Variants in KAT2B observed in about 807,000 individuals in gnomAD.
KAT2B encodes histone acetyltransferase KAT2B.
A neutral mutation model predicts 105.9 loss-of-function variants in KAT2B; 36 were observed. The observed-to-expected ratio is 0.34, with a 90% confidence interval of 0.26 to 0.45. KAT2B has a LOEUF of 0.45. Among genes scored for constraint, KAT2B ranks in the 20% least tolerant of loss-of-function variants. KAT2B has a pLI of 1.00. For missense variants in KAT2B, 820 were observed against 1,021.6 expected (o/e 0.80, Z 2.69); for synonymous variants, 397 against 377.9 (o/e 1.05, Z -0.59).
At chr3:20,144,144 T>A (rs957059203) in intron 13 of KAT2B, among the ~76,000 whole-genome samples, 1 of 152,126 alleles carries the variant, frequency 6.6e-6, no homozygotes, top group African/African-American at 2.4e-5. Context: ...AGGTGCTACA[T>A]GAGGTGAGTG....
At chr3:20,117,654 C>A (rs930271578) in intron 7 of KAT2B, among the ~76,000 whole-genome samples, 1 of 152,126 alleles carries the variant, frequency 6.6e-6, no homozygotes, top group Non-Finnish European at 1.5e-5. Context: ...ATTTTATTGC[C>A]TTCTTGGCTG....
At chr3:20,062,419 TATTATATATA>T (rs1435220136) in intron 1 of KAT2B, among the ~76,000 whole-genome samples, 4 of 67,626 alleles carry the variant, frequency 5.9e-5, no homozygotes, top group African/African-American at 1.6e-4. Flanking sequence ...TATTATATAT[TATTATATATA>T]ATATATAATA....
intron 2 of KAT2B, among the ~76,000 whole-genome samples, chr3:20,075,568 C>T (rs1163362712): frequency 1.3e-5 from 2 of 152,170 alleles, no homozygotes; most frequent in East Asian, 3.9e-4. Flanking sequence ...AATCAGGGTT[C>T]CCATCATACC....
At chr3:20,091,820 G>A (rs1011380324) in intron 2 of KAT2B, among the ~76,000 whole-genome samples, 4 of 152,096 alleles carry the variant, frequency 2.6e-5, no homozygotes, top group African/African-American at 9.7e-5. Context: ...TCCTGTTAAT[G>A]ATTTATATAG....
rs1698880675 is a variant in KAT2B, at chr3:20,099,964, T to C, written c.669+10T>C. 7.0e-7 allele frequency: 1 copy of C among 1,437,274 alleles called. No homozygotes were observed. The highest frequency in any genetic ancestry group is 1.4e-5 in the African/African-American group (1 of 70,964). 89.0% of individuals were successfully genotyped at this position (1,437,274 alleles called of 1,614,324 possible). ...ACCTAGCATTGAACAGGTAAAAAGA[T>C]TTTAAAAGCCCTCTTTTTATTGGCT... is the stretch of plus-strand genomic sequence containing the variant. On this transcript the variant is annotated intron_variant, in intron 4 of 17. Transcript: ENST00000263754.
intron 11 of KAT2B, among the ~76,000 whole-genome samples, chr3:20,129,563 A>G (rs1229657013): frequency 1.3e-5 from 2 of 151,728 alleles, no homozygotes; most frequent in Admixed American, 1.3e-4. Flanking sequence ...TTTAGTAGAG[A>G]TGAGGTTTCG....
chr3:20,076,335 C>T lies in KAT2B; in HGVS notation c.430+3876C>T, dbSNP rs1161988326. On this transcript the variant is annotated intron_variant, in intron 2 of 17. Transcript: ENST00000263754. ...GGGTATAGGTATTTAAAAAATATTT[C>T]CCCCTACTCCTTCCTTTCTTCCTTG... is the stretch of plus-strand genomic sequence containing the variant. Among the ~76,000 whole-genome samples, 8 of 152,032 alleles carry T rather than the reference C, an allele frequency of 5.3e-5. No homozygotes were observed. In the East Asian group the frequency reaches 1.5e-3, roughly 29 times the overall value.
At chr3:20,078,539 A>C (rs933447240) in intron 2 of KAT2B, among the ~76,000 whole-genome samples, 3 of 145,730 alleles carry the variant, frequency 2.1e-5, no homozygotes, top group Non-Finnish European at 3.0e-5. Flanking sequence ...TGCCCAGCTA[A>C]TTTTTTTTTT....
At chr3:20,146,170 A>G in intron 13 of KAT2B, 146 bp from the exon 14 acceptor site, 1 of 613,042 alleles carries the variant, frequency 1.6e-6, no homozygotes, top group Non-Finnish European at 2.9e-6. Context: ...TTCATTTCTT[A>G]CTTGTTAAAT....
intron 11 of KAT2B, among the ~76,000 whole-genome samples, chr3:20,127,979 G>A (rs372242549): frequency 1.3e-5 from 2 of 152,150 alleles, no homozygotes; most frequent in African/African-American, 2.4e-5. Context: ...TGTGCAGCCC[G>A]GTCCCTAACA....
intron 2 of KAT2B, among the ~76,000 whole-genome samples, chr3:20,075,664 C>T (rs891178668): frequency 1.3e-5 from 2 of 151,490 alleles, no homozygotes; most frequent in Admixed American, 6.6e-5. Flanking sequence ...AAAGGATACA[C>T]AGACAGCCAG....
intron 5 of KAT2B, among the ~76,000 whole-genome samples, chr3:20,103,658 C>T (rs1163020287): frequency 6.6e-6 from 1 of 152,184 alleles, no homozygotes; most frequent in Non-Finnish European, 1.5e-5. Flanking sequence ...ATCCTCCCAC[C>T]TTGGCCTCCC....
At chr3:20,113,011 A>G (rs953079510) in intron 6 of KAT2B, among the ~76,000 whole-genome samples, 17 of 152,336 alleles carry the variant, frequency 1.1e-4, no homozygotes, top group African/African-American at 7.2e-5. Flanking sequence ...CAAACACCCA[A>G]TATTTGCACA....
In KAT2B at chr3:20,152,395, C is replaced by T; in HGVS notation, c.2369C>T (p.Ala790Val). 6.2e-7 allele frequency: 1 copy of T among 1,613,326 alleles called. No homozygotes were observed. The highest frequency in any genetic ancestry group is 8.5e-7 in the Non-Finnish European group (1 of 1,179,486). ...TACGTGTCTAAGAAATTATTCATGG[C>T]AGACTTACAGCGAGTCTTTACCAAT... ...RYYVSKKLFM[A>V]DLQRVFTNCK... Residue 790 changes from alanine (A) to valine (V), a missense_variant, in exon 18 of 18, where the codon GCA (alanine) becomes GTA (valine). By Grantham distance (64) the Ala-to-Val change is moderately conservative. This residue lies in a region of KAT2B where 227 missense variants were observed against 292.9 expected (regional missense o/e 0.77). Coordinates refer to ENST00000263754, the MANE Select transcript of KAT2B (RefSeq NM_003884.5).
At chr3:20,132,907 C>T (rs1452098876) in intron 11 of KAT2B, among the ~76,000 whole-genome samples, 2 of 152,194 alleles carry the variant, frequency 1.3e-5, no homozygotes, top group East Asian at 3.8e-4. Context: ...TCTCTTGCAT[C>T]GACATCCGTG....
intron 1 of KAT2B, among the ~76,000 whole-genome samples, chr3:20,054,137 G>GC (rs1300442895): frequency 6.9e-6 from 1 of 145,204 alleles, no homozygotes; most frequent in Non-Finnish European, 1.5e-5. Flanking sequence ...TTGTTTTTTT[G>GC]TTTTTTTTTT....
chr3:20,089,192 G>A (rs1016105608), intron 2 of KAT2B, among the ~76,000 whole-genome samples: 2 of 152,102 alleles, frequency 1.3e-5, no homozygotes, highest in African/African-American at 4.8e-5. Flanking sequence ...TTTTGCTCAA[G>A]ATTGCTTTGG....
rs571198093 is a variant in KAT2B at position 20,043,415 on chromosome 3, C to G, written c.303+2635C>G. Among the ~76,000 whole-genome samples the G allele has an allele frequency of 2.6e-5, 4 of 152,192 alleles. No individual in the cohort carries two copies. In the South Asian group the frequency reaches 6.2e-4, roughly 24 times the overall value. The stretch of plus-strand genomic sequence containing the variant: ...AGTGAACCAAAATTACAGAGAAGTT[C>G]AGAAAAACTACTTTCTTGGAGTAGT... On this transcript the variant is annotated intron_variant, in intron 1 of 17. Transcript: ENST00000263754.
At position 20,126,119 on chromosome 3, in the gene KAT2B, T is replaced by G. The variant is rs752416354; in HGVS notation, c.1622+6T>G. The stretch of plus-strand genomic sequence containing the variant: ...ACACGGCTCGTCTTTGACCCGTAAG[T>G]GGTACTTTCTGTTCCTTCTTCCTTA... On this transcript the variant is annotated splice_donor_region_variant and intron_variant, in intron 10 of 17. Coordinates refer to ENST00000263754, the MANE Select transcript of KAT2B (RefSeq NM_003884.5). 4.4e-6 allele frequency: 7 copies of G among 1,576,944 alleles called. No individual in the cohort carries two copies. The highest frequency in any genetic ancestry group is 5.2e-6 in the Non-Finnish European group (6 of 1,158,968).
Sources: gnomAD v4.1 joint callset for allele counts (sites outside exome capture counted in the v4.1 genomes callset) on GRCh38, gnomAD v4.1.1 for gene constraint, gnomAD v4.1.1 regional missense constraint, MANE v1.5 for transcripts, NCBI Gene and HGNC (gene_info 2026-07-23, HGNC 2026-07-21) for gene names.